The following PBRM1 variants were observed in gnomAD, a reference collection of about 807,000 sequenced individuals.
PBRM1 encodes the protein polybromo 1, also known as protein polybromo-1.
In PBRM1, 27 loss-of-function variants were observed where a neutral mutation model predicts 194.5. The ratio of observed to expected loss-of-function variants is 0.14; its 90% CI spans 0.10 to 0.19. The LOEUF (loss-of-function observed/expected upper bound fraction) is 0.19, where lower values mean the gene tolerates loss of function less well. Among genes scored for constraint, PBRM1 ranks in the 10% least tolerant of loss-of-function variants. PBRM1 has a pLI of 1.00. For synonymous variants in PBRM1, 655 were observed against 693.2 expected (o/e 0.94, Z 0.87); for missense variants, 1,466 against 2,077.2 (o/e 0.71, Z 5.72).
chr3:52,570,128 C>T (rs914568253), intron 22 of PBRM1, among the ~76,000 whole-genome samples: 6 of 152,204 alleles, frequency 3.9e-5, no homozygotes, highest in Non-Finnish European at 5.9e-5. Context: ...CCCACCACCA[C>T]GCCCACATCA....
chr3:52,669,060 C>T (rs551287975), intron 2 of PBRM1, among the ~76,000 whole-genome samples: 3 of 152,144 alleles, frequency 2.0e-5, no homozygotes, highest in African/African-American at 4.8e-5. Context: ...AAAACAGATT[C>T]TTTCTTCAGT....
At chr3:52,643,604 G>C (rs1448990776) in intron 8 of PBRM1, among the ~76,000 whole-genome samples, 1 of 152,152 alleles carries the variant, frequency 6.6e-6, no homozygotes, top group Non-Finnish European at 1.5e-5. Context: ...CCAGAGGAAA[G>C]CTTTGAAAGT....
At chr3:52,626,594 G>A (rs557880880) in intron 13 of PBRM1, among the ~76,000 whole-genome samples, 20 of 152,288 alleles carry the variant, frequency 1.3e-4, no homozygotes, top group Middle Eastern at 3.4e-3. Flanking sequence ...ATGATCAGGC[G>A]AGAGAAACTT....
At chr3:52,684,778 T>C (rs2097283778) in intron 1 of PBRM1, 1 of 152,206 alleles carries the variant, frequency 6.6e-6, no homozygotes, top group Non-Finnish European at 1.5e-5. Context: ...ATTTTGTACA[T>C]TCCCAAAGCC....
At chr3:52,607,931 T>C (rs992985593) in intron 16 of PBRM1, among the ~76,000 whole-genome samples, 1 of 152,210 alleles carries the variant, frequency 6.6e-6, no homozygotes, top group Non-Finnish European at 1.5e-5. Flanking sequence ...AAACATATCA[T>C]ATTCATTTCC....
At chr3:52,601,719 G>A (rs2094007027) in intron 17 of PBRM1, among the ~76,000 whole-genome samples, 1 of 152,112 alleles carries the variant, frequency 6.6e-6, no homozygotes, top group Non-Finnish European at 1.5e-5. Flanking sequence ...GTCCAGGCAG[G>A]CCAATTCCTG....
At chr3:52,645,400 T>C (rs1213586686) in intron 7 of PBRM1, among the ~76,000 whole-genome samples, 1 of 151,702 alleles carries the variant, frequency 6.6e-6, no homozygotes, top group Non-Finnish European at 1.5e-5. Context: ...TATCTTCAAG[T>C]GATCCTCCTG....
At chr3:52,547,681 T>TTATA (rs1385651747), downstream of PBRM1, 2 of 232,670 alleles carry the variant, frequency 8.6e-6, no homozygotes, top group South Asian at 1.8e-4. Context: ...TTTTGTTCTT[T>TTATA]TATATATATA....
intron 27 of PBRM1, among the ~76,000 whole-genome samples, chr3:52,553,470 C>T (rs1010045850): frequency 6.7e-6 from 1 of 149,840 alleles, no homozygotes; most frequent in African/African-American, 2.4e-5. Flanking sequence ...GTAGGCTAGG[C>T]TGTTCTTTAA....
At chr3:52,549,043 CAG>C (rs1473496630) in intron 29 of PBRM1, among the ~76,000 whole-genome samples, 1 of 143,362 alleles carries the variant, frequency 7.0e-6, no homozygotes, top group Non-Finnish European at 1.5e-5. Flanking sequence ...TTTTTTTAGA[CAG>C]AGTCTTATTC....
At chr3:52,613,124 T>C (rs1005020395) in intron 15 of PBRM1, among the ~76,000 whole-genome samples, 5 of 152,188 alleles carry the variant, frequency 3.3e-5, no homozygotes, top group Non-Finnish European at 2.9e-5. Flanking sequence ...TATTTTATTT[T>C]ATTTTTATTT....
chr3:52,681,069 T>A (rs112191081), upstream of PBRM1: 10 of 151,432 alleles, frequency 6.6e-5, no homozygotes, highest in East Asian at 2.0e-3. Context: ...TGCTTTTCCA[T>A]GTGCCTTACA....
chr3:52,633,336 T>TA (rs1179160173), intron 11 of PBRM1, among the ~76,000 whole-genome samples: 1 of 152,180 alleles, frequency 6.6e-6, no homozygotes, highest in Non-Finnish European at 1.5e-5. Context: ...TCATCCATGT[T>TA]AGAGCGTTTC....
Position 52,677,627 on chromosome 3 carries a change from G to A in PBRM1, c.236+873C>T, listed in dbSNP as rs551976795. ...GGGGTTTCACCACGTTGGCCAGGCT[G>A]GTCTCAAACTGCTGACCTCAGCTGA... On this transcript the variant is annotated intron_variant, in intron 2 of 29. Transcript: ENST00000296302. Among the ~76,000 whole-genome samples the A allele has an allele frequency of 2.0e-5, 3 of 152,238 alleles. 1 individual carries two copies. The South Asian group carries it at 6.2e-4, about 32-fold the overall frequency.
intron 22 of PBRM1, among the ~76,000 whole-genome samples, chr3:52,573,292 T>C (rs2088100657): frequency 1.3e-5 from 2 of 148,304 alleles, no homozygotes; most frequent in African/African-American, 4.9e-5. Flanking sequence ...CTTTCTTTCT[T>C]TTTTTTTTTT....
intron 19 of PBRM1, among the ~76,000 whole-genome samples, chr3:52,586,952 C>T (rs1327240479): frequency 6.6e-6 from 1 of 152,040 alleles, no homozygotes; most frequent in African/African-American, 2.4e-5. Context: ...TCTTTGAAAA[C>T]ATATGAACAT....
chr3:52,635,609 A>C (rs1469303558), intron 10 of PBRM1, among the ~76,000 whole-genome samples: 1 of 152,164 alleles, frequency 6.6e-6, no homozygotes, highest in Non-Finnish European at 1.5e-5. Flanking sequence ...ATGTTTATTA[A>C]AGATAATGCT....
At chr3:52,644,376 A>C (rs1317929153) in intron 8 of PBRM1, among the ~76,000 whole-genome samples, 1 of 151,872 alleles carries the variant, frequency 6.6e-6, no homozygotes, top group African/African-American at 2.4e-5. Context: ...AAAGGCATTA[A>C]GGGTTTTAGA....
intron 17 of PBRM1, among the ~76,000 whole-genome samples, chr3:52,590,223 G>A (rs13066807): frequency 1.3e-5 from 2 of 151,940 alleles, no homozygotes; most frequent in Admixed American, 6.5e-5. Flanking sequence ...AGGCCGAGGC[G>A]GGCGGATCAC....
Sources: gnomAD v4.1 joint callset for allele counts (sites outside exome capture counted in the v4.1 genomes callset) on GRCh38, gnomAD v4.1.1 for gene constraint, MANE v1.5 for transcripts, NCBI Gene and HGNC (gene_info 2026-07-23, HGNC 2026-07-21) for gene names.